FTCDNL1: variants seen among roughly 807,000 people sequenced by gnomAD.
FTCDNL1 encodes the protein formiminotransferase N-terminal subdomain-containing protein.
Under a neutral mutation model 5.9 loss-of-function variants are expected in FTCDNL1, and 11 were observed. That is an observed-to-expected ratio of 1.87 (90% CI 1.18 to 3.10). FTCDNL1 has a LOEUF of 3.10. FTCDNL1 is among the 30% of genes most tolerant of loss of function. FTCDNL1 has a pLI of 0.00. For missense variants in FTCDNL1, 115 were observed against 65.5 expected, an observed-to-expected ratio of 1.76 and a Z score of -2.61; for synonymous variants, 58 against 24.8, an observed-to-expected ratio of 2.34 and a Z score of -3.99.
intron 3 of FTCDNL1, among the ~76,000 whole-genome samples, chr2:199,834,765 T>G (rs1451141069): frequency 6.6e-6 from 1 of 152,230 alleles, no homozygotes; most frequent in Non-Finnish European, 1.5e-5. Flanking sequence ...CCAATACTCT[T>G]ATTTCCCTGA....
chr2:199,699,221 C>T, the FTCDNL1 span, among the ~76,000 whole-genome samples: 1 of 152,208 alleles, frequency 6.6e-6, no homozygotes, highest in African/African-American at 2.4e-5. Context: ...AATCCCAAAA[C>T]TTTGGGAGGT....
intron 3 of FTCDNL1, among the ~76,000 whole-genome samples, chr2:199,832,072 AT>A (rs2106581406): frequency 6.6e-6 from 1 of 152,308 alleles, no homozygotes. Flanking sequence ...TTACATATAT[AT>A]TTCATAACCA....
At chr2:199,736,031 A>G in the FTCDNL1 span, among the ~76,000 whole-genome samples, 4 of 152,214 alleles carry the variant, frequency 2.6e-5, no homozygotes, top group African/African-American at 9.6e-5. Context: ...AGAATAGCCT[A>G]TGCCAACCCC....
intron 3 of FTCDNL1, among the ~76,000 whole-genome samples, chr2:199,829,008 T>TCACAGCAGTCAAAAC (rs2106563369): frequency 1.3e-5 from 2 of 152,308 alleles, no homozygotes; most frequent in African/African-American, 4.8e-5. Context: ...GTGGTCATAT[T>TCACAGCAGTCAAAAC]CACAGCAGTC....
the FTCDNL1 span, among the ~76,000 whole-genome samples, chr2:199,669,860 C>T: frequency 2.6e-5 from 4 of 152,026 alleles, no homozygotes; most frequent in Non-Finnish European, 5.9e-5. Flanking sequence ...ATATTTTATA[C>T]AAGATTTGGG....
chr2:199,687,013 C>T, the FTCDNL1 span, among the ~76,000 whole-genome samples: 2 of 152,170 alleles, frequency 1.3e-5, no homozygotes, highest in African/African-American at 2.4e-5. Flanking sequence ...AATTGGTTCA[C>T]TTTGGGTTAA....
intron 3 of FTCDNL1, chr2:199,844,646 T>G (rs1031342633): frequency 7.1e-6 from 3 of 420,050 alleles, no homozygotes; most frequent in African/African-American, 4.1e-5. Flanking sequence ...GTGTAGAAGA[T>G]TTTTTGTCCA....
At chr2:199,756,849 C>G (rs573845211), downstream of FTCDNL1, among the ~76,000 whole-genome samples, 2 of 152,200 alleles carry the variant, frequency 1.3e-5, no homozygotes, top group East Asian at 1.9e-4. Flanking sequence ...ACTGATGGAG[C>G]AGTCTCCATC....
chr2:199,734,313 T>C, the FTCDNL1 span, among the ~76,000 whole-genome samples: 2 of 152,220 alleles, frequency 1.3e-5, no homozygotes, highest in Admixed American at 1.3e-4. Flanking sequence ...TGTACTGCAG[T>C]GATTCTTAGA....
chr2:199,724,200 T>C, the FTCDNL1 span, among the ~76,000 whole-genome samples: 1 of 152,142 alleles, frequency 6.6e-6, no homozygotes, highest in Non-Finnish European at 1.5e-5. Context: ...CTCTGACGGT[T>C]GTATGTATTT....
the FTCDNL1 span, among the ~76,000 whole-genome samples, chr2:199,693,582 G>T: frequency 6.6e-6 from 1 of 152,238 alleles, no homozygotes; most frequent in East Asian, 1.9e-4. Context: ...ATAATTATAG[G>T]TAATAAAAAC....
intron 2 of FTCDNL1, among the ~76,000 whole-genome samples, chr2:199,846,567 C>T (rs2076738779): frequency 6.6e-6 from 1 of 152,174 alleles, no homozygotes; most frequent in Non-Finnish European, 1.5e-5. Context: ...AATCCAGAAA[C>T]TAAACTGTTT....
At chr2:199,786,971 T>C (rs1194583704) in intron 3 of FTCDNL1, among the ~76,000 whole-genome samples, 1 of 152,182 alleles carries the variant, frequency 6.6e-6, no homozygotes, top group Non-Finnish European at 1.5e-5. Context: ...TTTCAGCTTT[T>C]AGAGGCTGCC....
At chr2:199,669,054 C>T in the FTCDNL1 span, among the ~76,000 whole-genome samples, 1 of 152,078 alleles carries the variant, frequency 6.6e-6, no homozygotes, top group African/African-American at 2.4e-5. Flanking sequence ...TTTCACAGTG[C>T]TTTCTGAAAG....
chr2:199,756,844 T>C (rs1330382073), downstream of FTCDNL1, among the ~76,000 whole-genome samples: 1 of 152,202 alleles, frequency 6.6e-6, no homozygotes, highest in Non-Finnish European at 1.5e-5. Flanking sequence ...CCCAGACTGA[T>C]GGAGCAGTCT....
At chr2:199,837,227 T>C (rs1317720054) in intron 3 of FTCDNL1, among the ~76,000 whole-genome samples, 1 of 152,230 alleles carries the variant, frequency 6.6e-6, no homozygotes, top group African/African-American at 2.4e-5. Context: ...CTAAAGTCAC[T>C]GGAAATCAAT....
chr2:199,692,947 C>G, the FTCDNL1 span, among the ~76,000 whole-genome samples: 1 of 152,212 alleles, frequency 6.6e-6, no homozygotes, highest in East Asian at 1.9e-4. Flanking sequence ...GTTTTCCTTA[C>G]AAACAAGATG....
Position 199,787,464 on chromosome 2 carries a change from A to C in FTCDNL1, c.212-26629T>G, listed in dbSNP as rs545274946. On this transcript the variant is annotated intron_variant, in intron 3 of 3. Transcript: ENST00000416668. ...CTCCCAAAATGCTGGGATTACAGGC[A>C]TGAGCCACCACTCCAAGCCTTGGCA... Among the ~76,000 whole-genome samples the C allele has an allele frequency of 5.9e-5, 9 of 152,296 alleles. No homozygotes were observed. In the South Asian group the frequency reaches 1.9e-3, roughly 32 times the overall value.
intron 3 of FTCDNL1, among the ~76,000 whole-genome samples, chr2:199,766,656 G>C (rs939212926): frequency 1.3e-5 from 2 of 152,296 alleles, no homozygotes; most frequent in Admixed American, 6.5e-5. Context: ...AGACAGATCA[G>C]GTAGCTATGT....
Sources: gnomAD v4.1 joint callset for allele counts (sites outside exome capture counted in the v4.1 genomes callset) on GRCh38, gnomAD v4.1.1 for gene constraint, MANE v1.5 for transcripts, NCBI Gene and HGNC (gene_info 2026-07-23, HGNC 2026-07-21) for gene names.